Variants in SLC8A1 observed in about 807,000 individuals in gnomAD.
The protein encoded by SLC8A1 is sodium/calcium exchanger 1.
A neutral mutation model predicts 68.3 loss-of-function variants in SLC8A1; 18 were observed. The observed-to-expected ratio is 0.26, with a 90% confidence interval of 0.18 to 0.39. The LOEUF (loss-of-function observed/expected upper bound fraction) is 0.39, where lower values mean the gene tolerates loss of function less well. Among genes scored for constraint, SLC8A1 ranks in the 10% least tolerant of loss-of-function variants. The probability of loss-of-function intolerance (pLI) is 1.00; values close to 1 mark genes in which losing one functional copy is unlikely to be tolerated. For missense variants in SLC8A1, 985 were observed against 1,156.7 expected (o/e 0.85, Z 2.15); for synonymous variants, 475 against 415.5 (o/e 1.14, Z -1.74).
chr2:40,320,795 A>T (rs567222923), intron 2 of SLC8A1, among the ~76,000 whole-genome samples: 1 of 152,158 alleles, frequency 6.6e-6, no homozygotes, highest in Admixed American at 6.5e-5. Context: ...CAATTTATGA[A>T]CTCTTTAATG....
intron 2 of SLC8A1, among the ~76,000 whole-genome samples, chr2:40,229,821 C>T (rs141048597): frequency 1.1e-3 from 163 of 152,188 alleles, no homozygotes; most frequent in African/African-American, 3.7e-3. Flanking sequence ...CAGTTATGCA[C>T]ATGTAAAAAA....
intron 2 of SLC8A1, among the ~76,000 whole-genome samples, chr2:40,351,603 G>C (rs1225258385): frequency 6.7e-6 from 1 of 150,156 alleles, no homozygotes; most frequent in Non-Finnish European, 1.5e-5. Flanking sequence ...AAAAAAAGTT[G>C]GAAAACTCAT....
intron 1 of SLC8A1, among the ~76,000 whole-genome samples, chr2:40,481,072 G>A (rs575351146): frequency 6.6e-6 from 1 of 152,148 alleles, no homozygotes; most frequent in Non-Finnish European, 1.5e-5. Flanking sequence ...GGCATCAGTC[G>A]CAAAGTCATT....
exon 8 of SLC8A1, chr2:40,106,716 C>G (rs942479326): frequency 6.6e-6 from 1 of 152,168 alleles, no homozygotes; most frequent in Non-Finnish European, 1.5e-5. Flanking sequence ...TTAAAAATAA[C>G]TTTCCATTAT....
chr2:40,124,922 C>T lies in SLC8A1; in HGVS notation c.2438-9293G>A, dbSNP rs577438340. Among the ~76,000 whole-genome samples the T allele has an allele frequency of 3.3e-5, 5 of 152,272 alleles. No homozygotes were observed. In the East Asian group the frequency reaches 9.7e-4, roughly 29 times the overall value. On this transcript the variant is annotated intron_variant, in intron 7 of 7. Transcript: ENST00000406785. Reference sequence around the variant, plus strand: ...GTATGGGTAAATATTTGCTATATATCTGTATACACATTTTTTGTGCAATTT... The same window carrying T: ...GTATGGGTAAATATTTGCTATATATTTGTATACACATTTTTTGTGCAATTT...
chr2:40,377,354 G>T (rs769866477), intron 2 of SLC8A1, among the ~76,000 whole-genome samples: 1 of 152,084 alleles, frequency 6.6e-6, no homozygotes, highest in East Asian at 1.9e-4. Context: ...CCAATACCTT[G>T]AGTGCAGGCT....
At chr2:40,272,932 C>G (rs929829058) in intron 2 of SLC8A1, among the ~76,000 whole-genome samples, 1 of 152,052 alleles carries the variant, frequency 6.6e-6, no homozygotes, top group Non-Finnish European at 1.5e-5. Context: ...GACATGCACA[C>G]ACTCCAAATA....
intron 2 of SLC8A1, among the ~76,000 whole-genome samples, chr2:40,399,963 A>T (rs1576125875): frequency 6.6e-6 from 1 of 152,182 alleles, no homozygotes; most frequent in Admixed American, 6.5e-5. Flanking sequence ...CTAATCGGTT[A>T]TTTTACCTAT....
chr2:40,347,838 A>G (rs1003356126), intron 2 of SLC8A1, among the ~76,000 whole-genome samples: 1 of 152,202 alleles, frequency 6.6e-6, no homozygotes, highest in Non-Finnish European at 1.5e-5. Context: ...AAGTCCATAC[A>G]TTTTCATCTT....
rs376133984 is a variant in SLC8A1 at position 40,395,875 on chromosome 2, T to G, written c.1808+32598A>C. Among the ~76,000 whole-genome samples the G allele has an allele frequency of 2.6e-3, 402 of 152,206 alleles. 1 individual carries two copies. The highest frequency in any genetic ancestry group is 9.1e-3 in the African/African-American group (379 of 41,540). ...TAAATAAAAACAGATGAGGAGAAAGTCCATTCATTTTTACTAATAGTATGC... is the reference window on the plus strand; with the variant it reads ...TAAATAAAAACAGATGAGGAGAAAGGCCATTCATTTTTACTAATAGTATGC... On this transcript the variant is annotated intron_variant, in intron 2 of 7. Transcript: ENST00000406785.
intron 7 of SLC8A1, among the ~76,000 whole-genome samples, chr2:40,136,273 G>A (rs899832657): frequency 6.6e-6 from 1 of 152,190 alleles, no homozygotes; most frequent in African/African-American, 2.4e-5. Flanking sequence ...GAGGGTAAGT[G>A]AAGACCTTTA....
chr2:40,325,956 C>T (rs1053363632), intron 2 of SLC8A1, among the ~76,000 whole-genome samples: 2 of 151,956 alleles, frequency 1.3e-5, no homozygotes, highest in African/African-American at 2.4e-5. Context: ...CACTGCTGGG[C>T]CTCCATAATG....
chr2:40,192,248 A>G (rs1219029443), intron 2 of SLC8A1, among the ~76,000 whole-genome samples: 3 of 152,112 alleles, frequency 2.0e-5, no homozygotes, highest in Admixed American at 1.3e-4. Flanking sequence ...CTGTAATTCA[A>G]AAATATATAT....
intron 2 of SLC8A1, among the ~76,000 whole-genome samples, chr2:40,415,446 C>T (rs920497318): frequency 2.7e-5 from 4 of 148,290 alleles, no homozygotes; most frequent in African/African-American, 9.9e-5. Flanking sequence ...AAAAAGAAAA[C>T]TGCCAATGTG....
At chr2:40,239,933 T>C (rs2060986747) in intron 2 of SLC8A1, among the ~76,000 whole-genome samples, 1 of 152,188 alleles carries the variant, frequency 6.6e-6, no homozygotes, top group South Asian at 2.1e-4. Context: ...AGAAGAGTAG[T>C]TTTCTCAATT....
intron 4 of SLC8A1, among the ~76,000 whole-genome samples, chr2:40,174,140 G>C (rs62148760): frequency 6.6e-6 from 1 of 152,046 alleles, no homozygotes; most frequent in African/African-American, 2.4e-5. Flanking sequence ...TAAGTCCCCA[G>C]AGAAACCCTC....
intron 2 of SLC8A1, among the ~76,000 whole-genome samples, chr2:40,410,889 A>C (rs1441554979): frequency 2.0e-5 from 3 of 152,116 alleles, no homozygotes; most frequent in Non-Finnish European, 4.4e-5. Context: ...GTTCAGGAGT[A>C]TATAACTAAA....
chr2:40,437,238 T>G (rs1190652963), intron 1 of SLC8A1, among the ~76,000 whole-genome samples: 1 of 152,166 alleles, frequency 6.6e-6, no homozygotes, highest in Non-Finnish European at 1.5e-5. Flanking sequence ...CAATGTTTTC[T>G]GGGGACAGAG....
chr2:40,409,590 G>T (rs1691467915), intron 2 of SLC8A1, among the ~76,000 whole-genome samples: 1 of 152,116 alleles, frequency 6.6e-6, no homozygotes, highest in Non-Finnish European at 1.5e-5. Context: ...AGCCCAAACT[G>T]CATCTACTGT....
Sources: gnomAD v4.1 joint callset for allele counts (sites outside exome capture counted in the v4.1 genomes callset) on GRCh38, gnomAD v4.1.1 for gene constraint, MANE v1.5 for transcripts, NCBI Gene and HGNC (gene_info 2026-07-23, HGNC 2026-07-21) for gene names.